Variants in FSTL4 observed in about 807,000 individuals in gnomAD.
FSTL4 encodes follistatin like 4, also known as follistatin-related protein 4.
FSTL4 carries 28 observed loss-of-function variants against 78.2 expected under a neutral mutation model. The ratio of observed to expected loss-of-function variants is 0.36; its 90% CI spans 0.27 to 0.49. The LOEUF (loss-of-function observed/expected upper bound fraction) is 0.49, where lower values mean the gene tolerates loss of function less well. Ranked by LOEUF, FSTL4 falls within the 20% of genes least tolerant of loss-of-function variation. The pLI, the probability that FSTL4 is intolerant of heterozygous loss-of-function variation, is 0.98. For missense variants in FSTL4, 922 were observed against 1,084.9 expected (o/e 0.85, Z 2.11); for synonymous variants, 422 against 440.5 (o/e 0.96, Z 0.53).
At chr5:133,706,039 C>T in the FSTL4 span, among the ~76,000 whole-genome samples, 3 of 152,206 alleles carry the variant, frequency 2.0e-5, no homozygotes. Context: ...TGCAAATGCT[C>T]CCATAAAGTC....
At chr5:133,674,749 A>T in the FSTL4 span, among the ~76,000 whole-genome samples, 1 of 152,336 alleles carries the variant, frequency 6.6e-6, no homozygotes, top group East Asian at 1.9e-4. Context: ...TTCAAATTGA[A>T]TACATCAGTG....
chr5:133,300,371 C>T (rs1753507098), intron 6 of FSTL4, among the ~76,000 whole-genome samples: 1 of 152,174 alleles, frequency 6.6e-6, no homozygotes, highest in South Asian at 2.1e-4. Context: ...GTTATTTAAC[C>T]TGTAGTACTT....
the FSTL4 span, among the ~76,000 whole-genome samples, chr5:133,834,151 T>C: frequency 0.012 from 1,855 of 152,340 alleles, 45 homozygotes; most frequent in African/African-American, 0.042. Flanking sequence ...TTGCCAAGGT[T>C]CATAAGGAGG....
chr5:133,229,751 A>G (rs1240138168), intron 8 of FSTL4, among the ~76,000 whole-genome samples: 4 of 152,318 alleles, frequency 2.6e-5, no homozygotes, highest in South Asian at 2.1e-4. Context: ...AATGATCTTG[A>G]TGCATTTTAC....
chr5:133,469,232 G>A (rs563467096), intron 3 of FSTL4, among the ~76,000 whole-genome samples: 14 of 152,316 alleles, frequency 9.2e-5, no homozygotes, highest in Non-Finnish European at 1.5e-4. Context: ...CGATCAAGGT[G>A]ATAGATTCTC....
chr5:133,446,951 A>G (rs1002925022), intron 3 of FSTL4, among the ~76,000 whole-genome samples: 1 of 152,172 alleles, frequency 6.6e-6, no homozygotes, highest in African/African-American at 2.4e-5. Flanking sequence ...TAGGGTATTC[A>G]GACCACAAGT....
intron 3 of FSTL4, among the ~76,000 whole-genome samples, chr5:133,542,132 A>G (rs1288220174): frequency 6.6e-6 from 1 of 152,212 alleles, no homozygotes; most frequent in Non-Finnish European, 1.5e-5. Context: ...TGGTGTTTGA[A>G]GTTAAAGAAG....
the FSTL4 span, among the ~76,000 whole-genome samples, chr5:133,790,641 C>T: frequency 6.6e-6 from 1 of 152,294 alleles, no homozygotes; most frequent in East Asian, 1.9e-4. Flanking sequence ...TGTCAACAGG[C>T]ATCTCAGGAT....
intron 7 of FSTL4, among the ~76,000 whole-genome samples, chr5:133,237,671 G>C (rs958365530): frequency 7.2e-5 from 11 of 152,188 alleles, no homozygotes; most frequent in Admixed American, 2.6e-4. Flanking sequence ...ATGAATACTG[G>C]CTACAGAAAT....
chr5:133,660,047 A>G, the FSTL4 span, among the ~76,000 whole-genome samples: 1 of 152,204 alleles, frequency 6.6e-6, no homozygotes, highest in Non-Finnish European at 1.5e-5. Flanking sequence ...TCTACCCAAT[A>G]TGCTCAAATT....
intron 3 of FSTL4, among the ~76,000 whole-genome samples, chr5:133,539,657 G>A (rs1759427586): frequency 6.6e-6 from 1 of 152,082 alleles, no homozygotes; most frequent in African/African-American, 2.4e-5. Flanking sequence ...ATTCTCCAGG[G>A]CTCTTGGCTC....
At chr5:133,766,157 G>A in the FSTL4 span, among the ~76,000 whole-genome samples, 2 of 152,160 alleles carry the variant, frequency 1.3e-5, no homozygotes, top group East Asian at 3.9e-4. Context: ...GCAAACCTTG[G>A]CCTATGGGGC....
At chr5:133,383,116 C>A (rs1229497859) in intron 4 of FSTL4, among the ~76,000 whole-genome samples, 1 of 152,196 alleles carries the variant, frequency 6.6e-6, no homozygotes, top group Non-Finnish European at 1.5e-5. Flanking sequence ...CAAGCCCGGC[C>A]CACCCTGATT....
the FSTL4 span, among the ~76,000 whole-genome samples, chr5:133,813,191 G>T: frequency 6.6e-6 from 1 of 152,134 alleles, no homozygotes; most frequent in Non-Finnish European, 1.5e-5. Flanking sequence ...CACGTATGTA[G>T]CTTGGAATTG....
chr5:133,313,908 C>T (rs891031572), intron 5 of FSTL4, among the ~76,000 whole-genome samples: 1 of 152,170 alleles, frequency 6.6e-6, no homozygotes, highest in Non-Finnish European at 1.5e-5. Flanking sequence ...AGGAAAGGCC[C>T]ACTTTAGCCG....
intron 4 of FSTL4, among the ~76,000 whole-genome samples, chr5:133,384,206 A>G (rs1755645353): frequency 6.6e-6 from 1 of 152,176 alleles, no homozygotes; most frequent in South Asian, 2.1e-4. Context: ...ATGACCCTAG[A>G]GTGCAACACT....
the FSTL4 span, among the ~76,000 whole-genome samples, chr5:133,706,419 T>C: frequency 1.3e-5 from 2 of 152,190 alleles, no homozygotes; most frequent in Admixed American, 6.5e-5. Flanking sequence ...AACATCTTAG[T>C]TAAAAGAAAA....
intron 3 of FSTL4, among the ~76,000 whole-genome samples, chr5:133,563,301 C>T (rs939427634): frequency 6.6e-6 from 1 of 152,208 alleles, no homozygotes; most frequent in African/African-American, 2.4e-5. Context: ...CCTCTCAGCT[C>T]TCTGGGCTTG....
intron 3 of FSTL4, among the ~76,000 whole-genome samples, chr5:133,485,180 A>G (rs112681974): frequency 1.2e-4 from 18 of 152,366 alleles, no homozygotes; most frequent in Non-Finnish European, 2.4e-4. Context: ...GTTTCTTTCA[A>G]TGGCCACAAA....
Sources: gnomAD v4.1 joint callset for allele counts (sites outside exome capture counted in the v4.1 genomes callset) on GRCh38, gnomAD v4.1.1 for gene constraint, MANE v1.5 for transcripts, NCBI Gene and HGNC (gene_info 2026-07-23, HGNC 2026-07-21) for gene names.